The following ARHGAP26 variants were observed in gnomAD, a reference collection of about 807,000 sequenced individuals.
ARHGAP26 encodes Rho GTPase activating protein 26.
Under a neutral mutation model 104.8 loss-of-function variants are expected in ARHGAP26, and 38 were observed. The ratio of observed to expected loss-of-function variants is 0.36; its 90% CI spans 0.28 to 0.48. The LOEUF (loss-of-function observed/expected upper bound fraction) is 0.48. Ranked by LOEUF, ARHGAP26 falls within the 20% of genes least tolerant of loss-of-function variation. The pLI, the probability that ARHGAP26 is intolerant of heterozygous loss-of-function variation, is 0.99. For synonymous variants in ARHGAP26, 341 were observed against 340.0 expected (o/e 1.00, Z -0.03); for missense variants, 704 against 947.9 (o/e 0.74, Z 3.38).
intron 4 of ARHGAP26, 32 bp downstream of exon 4, chr5:142,879,477 T>C (rs1260732042): frequency 1.3e-6 from 2 of 1,587,064 alleles, no homozygotes; most frequent in Middle Eastern, 1.7e-4. Context: ...GTCTGGATTT[T>C]AGGGTGAGAG....
At chr5:143,183,705 G>A (rs1161338400) in intron 20 of ARHGAP26, among the ~76,000 whole-genome samples, 1 of 152,196 alleles carries the variant, frequency 6.6e-6, no homozygotes, top group East Asian at 1.9e-4. Flanking sequence ...CTGGTTATGG[G>A]CGAAGGCGTA....
chr5:143,131,035 C>A (rs1797286372), intron 18 of ARHGAP26, among the ~76,000 whole-genome samples: 1 of 152,172 alleles, frequency 6.6e-6, no homozygotes, highest in South Asian at 2.1e-4. Flanking sequence ...AGGGAACTGA[C>A]CCTTGGGACT....
intron 20 of ARHGAP26, among the ~76,000 whole-genome samples, chr5:143,195,694 A>G (rs570121755): frequency 1.3e-5 from 2 of 152,298 alleles, no homozygotes; most frequent in African/African-American, 2.4e-5. Context: ...GGAGCTGCCA[A>G]CTGTATTATG....
intron 11 of ARHGAP26, among the ~76,000 whole-genome samples, chr5:142,932,518 G>C (rs183696121): frequency 6.6e-6 from 1 of 152,194 alleles, no homozygotes; most frequent in Non-Finnish European, 1.5e-5. Flanking sequence ...CCTCAGCTGG[G>C]TGATGTAATC....
At chr5:143,083,205 C>T (rs148075357) in intron 17 of ARHGAP26, among the ~76,000 whole-genome samples, 19 of 152,326 alleles carry the variant, frequency 1.2e-4, no homozygotes, top group South Asian at 2.1e-4. Context: ...TATTAGGCCA[C>T]GGATCACTTC....
At chr5:142,869,215 T>TTTTC (rs1561985300) in intron 1 of ARHGAP26, among the ~76,000 whole-genome samples, 17 of 149,504 alleles carry the variant, frequency 1.1e-4, no homozygotes, top group African/African-American at 3.9e-4. Context: ...TTTCTTTTTT[T>TTTTC]TTTTTTTTTG....
At chr5:142,906,043 A>G in intron 8 of ARHGAP26, among the ~76,000 whole-genome samples, 1 of 152,236 alleles carries the variant, frequency 6.6e-6, no homozygotes, top group East Asian at 1.9e-4. Context: ...TGAACAACAC[A>G]GTCCAGTTCC....
At chr5:143,073,891 A>G (rs370179340) in intron 17 of ARHGAP26, among the ~76,000 whole-genome samples, 29 of 152,328 alleles carry the variant, frequency 1.9e-4, no homozygotes, top group East Asian at 1.7e-3. Context: ...GACATCTATG[A>G]TTTTATACAG....
intron 1 of ARHGAP26, among the ~76,000 whole-genome samples, chr5:142,797,562 A>G (rs1456546639): frequency 2.0e-5 from 3 of 152,174 alleles, no homozygotes; most frequent in Non-Finnish European, 4.4e-5. Flanking sequence ...TGCTCACCCT[A>G]CGTGGTTGCT....
rs1334910204 is a variant in ARHGAP26, at chr5:142,963,188, A to ACATATATATATATATATATG, written c.1107+31063_1107+31064insCATATATATATATATATATG. 6.6e-4 allele frequency among the ~76,000 whole-genome samples: 73 copies of ACATATATATATATATATATG among 109,788 alleles called. 2 individuals are homozygous for ACATATATATATATATATATG. In the South Asian group the frequency reaches 7.4e-3, roughly 11 times the overall value. The allele number at this position is 109,788 out of a possible 152,430, so 72.0% of individuals were successfully genotyped here. On this transcript the variant is annotated intron_variant, in intron 11 of 22. Transcript: ENST00000645722. ...GGTATATATGTATATATATATATAT[A>ACATATATATATATATATATG]TATATATATATGTGTGTGTGTGTGT...
intron 1 of ARHGAP26, among the ~76,000 whole-genome samples, chr5:142,797,360 T>C (rs1561857179): frequency 6.6e-6 from 1 of 152,226 alleles, no homozygotes; most frequent in Non-Finnish European, 1.5e-5. Flanking sequence ...GATTGATGAA[T>C]GTTGCAAGTA....
intron 20 of ARHGAP26, among the ~76,000 whole-genome samples, chr5:143,200,469 A>G (rs893360782): frequency 6.6e-6 from 1 of 152,218 alleles, no homozygotes; most frequent in Non-Finnish European, 1.5e-5. Context: ...AAATCAGAGT[A>G]TACCATACAA....
chr5:143,121,187 G>T (rs1373606182), intron 18 of ARHGAP26, 40 bp downstream of exon 18: 2 of 1,588,032 alleles, frequency 1.3e-6, no homozygotes, highest in Non-Finnish European at 1.7e-6. Context: ...GAATGTACCT[G>T]GGGGGAAGCT....
intron 20 of ARHGAP26, among the ~76,000 whole-genome samples, chr5:143,206,363 G>C (rs1333949959): frequency 6.6e-6 from 1 of 152,214 alleles, no homozygotes; most frequent in Non-Finnish European, 1.5e-5. Context: ...ATAAGTCAAA[G>C]GGCTAACACA....
chr5:142,853,348 A>G (rs1410857366), intron 1 of ARHGAP26, among the ~76,000 whole-genome samples: 1 of 151,946 alleles, frequency 6.6e-6, no homozygotes, highest in African/African-American at 2.4e-5. Context: ...GTGTCACCAC[A>G]TCCAGCTAAT....
At chr5:143,085,909 A>G (rs544137987) in intron 17 of ARHGAP26, among the ~76,000 whole-genome samples, 23 of 152,310 alleles carry the variant, frequency 1.5e-4, no homozygotes, top group African/African-American at 5.1e-4. Context: ...ATAATATTTA[A>G]ATAGTTTTAG....
At chr5:143,045,565 A>G (rs1784100300) in intron 14 of ARHGAP26, among the ~76,000 whole-genome samples, 1 of 152,228 alleles carries the variant, frequency 6.6e-6, no homozygotes, top group Non-Finnish European at 1.5e-5. Flanking sequence ...TTCCCCTGAG[A>G]TGGCTGGGCC....
chr5:143,191,860 G>T (rs985257006), intron 20 of ARHGAP26, among the ~76,000 whole-genome samples: 23 of 152,192 alleles, frequency 1.5e-4, no homozygotes, highest in African/African-American at 5.6e-4. Context: ...TGTCAGGCCT[G>T]TCTTAGGCAA....
At chr5:143,079,190 T>G (rs77400155) in intron 17 of ARHGAP26, among the ~76,000 whole-genome samples, 1 of 152,268 alleles carries the variant, frequency 6.6e-6, no homozygotes, top group Admixed American at 6.5e-5. Flanking sequence ...TTGGAAATGG[T>G]AGAGGGATGG....
Sources: allele counts gnomAD v4.1 joint callset (sites outside exome capture counted in the v4.1 genomes callset), GRCh38; gene constraint gnomAD v4.1.1; transcripts MANE v1.5; gene names NCBI Gene and HGNC (gene_info 2026-07-23, HGNC 2026-07-21).